Variants in CNTNAP2 observed in about 807,000 individuals in gnomAD.
CNTNAP2 encodes contactin-associated protein-like 2.
A neutral mutation model predicts 155.2 loss-of-function variants in CNTNAP2; 98 were observed. The observed-to-expected ratio is 0.63, with a 90% CI of 0.54 to 0.75. CNTNAP2 has a LOEUF of 0.75. CNTNAP2 is among the 30% of genes least tolerant of loss of function. The probability of loss-of-function intolerance (pLI) is 0.00; values close to 1 mark genes in which losing one functional copy is unlikely to be tolerated. For synonymous variants in CNTNAP2, 651 were observed against 631.2 expected (o/e 1.03, Z -0.47); for missense variants, 1,727 against 1,688.1 (o/e 1.02, Z -0.40).
At chr7:148,402,098 TAAACAATCATAACATATAGCCGATG>T (rs1799597588) in intron 22 of CNTNAP2, among the ~76,000 whole-genome samples, 2 of 152,220 alleles carry the variant, frequency 1.3e-5, no homozygotes, top group Admixed American at 6.5e-5. Flanking sequence ...AAAGTTGGTT[TAAACAATCATAACATATAGCCGATG>T]ACGACAAATT....
At chr7:146,384,651 T>C (rs1795435393) in intron 1 of CNTNAP2, among the ~76,000 whole-genome samples, 1 of 152,142 alleles carries the variant, frequency 6.6e-6, no homozygotes, top group South Asian at 2.1e-4. Flanking sequence ...TACTTTGTAA[T>C]TGATCAGTTT....
intron 1 of CNTNAP2, among the ~76,000 whole-genome samples, chr7:146,765,600 G>T (rs754436975): frequency 1.3e-5 from 2 of 152,112 alleles, no homozygotes; most frequent in Non-Finnish European, 2.9e-5. Context: ...GACACATCAG[G>T]CACCTGCCTT....
rs190068679 is a variant in CNTNAP2, at chr7:146,305,475, G to A, written c.97+188502G>A. On this transcript the variant is annotated intron_variant, in intron 1 of 23. Transcript: ENST00000361727. Reference sequence around the variant, plus strand: ...GGGTTTTGGTGTGGATGTCCTTTCTGTTTCTTAGCTTTCCTTCTAACATTC... The same window carrying A: ...GGGTTTTGGTGTGGATGTCCTTTCTATTTCTTAGCTTTCCTTCTAACATTC... Among the ~76,000 whole-genome samples, 7 of 152,160 alleles carry A rather than the reference G, an allele frequency of 4.6e-5. No individual in the cohort carries two copies. In the East Asian group the frequency reaches 1.4e-3, roughly 29 times the overall value.
At chr7:148,050,721 C>A (rs1437488922) in intron 15 of CNTNAP2, among the ~76,000 whole-genome samples, 2 of 152,212 alleles carry the variant, frequency 1.3e-5, no homozygotes, top group African/African-American at 4.8e-5. Context: ...TCCAGTCCTG[C>A]AAGCTCCATT....
chr7:147,629,406 AAATAATAATAAT>A (rs56977512), intron 12 of CNTNAP2, among the ~76,000 whole-genome samples: 1,476 of 140,942 alleles, frequency 0.01, 8 homozygotes, highest in East Asian at 0.015. Flanking sequence ...TCTGTCTCAA[AAATAATAATAAT>A]AATAATAATA....
chr7:146,664,130 T>A (rs887660154), intron 1 of CNTNAP2, among the ~76,000 whole-genome samples: 3 of 151,812 alleles, frequency 2.0e-5, no homozygotes, highest in Non-Finnish European at 4.4e-5. Context: ...ATACTTTCTC[T>A]TCTTAGTTTG....
intron 21 of CNTNAP2, among the ~76,000 whole-genome samples, chr7:148,293,943 G>A (rs1413788359): frequency 6.8e-6 from 1 of 147,940 alleles, no homozygotes; most frequent in Non-Finnish European, 1.5e-5. Context: ...GCTGAGGCAG[G>A]AGAACCGCTT....
chr7:148,182,311 A>T (rs1292459941), intron 18 of CNTNAP2, among the ~76,000 whole-genome samples: 3 of 143,776 alleles, frequency 2.1e-5, no homozygotes, highest in Non-Finnish European at 4.7e-5. Context: ...GGTCTGATAA[A>T]TTGTCCTGAG....
chr7:147,375,279 T>C (rs1796415531), intron 9 of CNTNAP2, among the ~76,000 whole-genome samples: 2 of 148,172 alleles, frequency 1.3e-5, no homozygotes, highest in African/African-American at 4.9e-5. Flanking sequence ...ACTATTATTT[T>C]CTCTATTTAA....
chr7:146,652,697 A>G (rs561506948), intron 1 of CNTNAP2, among the ~76,000 whole-genome samples: 2 of 152,314 alleles, frequency 1.3e-5, no homozygotes, highest in Admixed American at 6.5e-5. Flanking sequence ...AGTAGTAGAA[A>G]TGGGAATTTG....
intron 3 of CNTNAP2, among the ~76,000 whole-genome samples, chr7:146,957,117 C>T (rs904692380): frequency 6.6e-6 from 1 of 152,010 alleles, no homozygotes; most frequent in Non-Finnish European, 1.5e-5. Flanking sequence ...CTTAAACAGA[C>T]CTAGATGGTA....
chr7:146,893,023 A>G (rs1335401666), intron 3 of CNTNAP2, among the ~76,000 whole-genome samples: 1 of 152,176 alleles, frequency 6.6e-6, no homozygotes, highest in East Asian at 1.9e-4. Context: ...AATTGGTAGG[A>G]AAAAATATAT....
intron 10 of CNTNAP2, among the ~76,000 whole-genome samples, chr7:147,413,211 A>G (rs1797133227): frequency 1.3e-5 from 2 of 152,252 alleles, no homozygotes; most frequent in Admixed American, 1.3e-4. Flanking sequence ...ATTGAGTAAG[A>G]AAACAGCTGG....
At chr7:147,615,412 C>T (rs1004468912) in intron 12 of CNTNAP2, among the ~76,000 whole-genome samples, 17 of 147,416 alleles carry the variant, frequency 1.2e-4, no homozygotes, top group Non-Finnish European at 4.4e-5. Flanking sequence ...CCAGCCTAGG[C>T]AACATAGTGA....
At chr7:147,446,141 T>TA (rs1375348303) in intron 10 of CNTNAP2, among the ~76,000 whole-genome samples, 4 of 134,174 alleles carry the variant, frequency 3.0e-5, no homozygotes, top group Non-Finnish European at 6.6e-5. Flanking sequence ...TTTTTTTTTT[T>TA]AACCTGTGAG....
chr7:147,754,704 A>G (rs1400729826), intron 13 of CNTNAP2, among the ~76,000 whole-genome samples: 6 of 152,186 alleles, frequency 3.9e-5, no homozygotes, highest in Admixed American at 2.0e-4. Context: ...TAAGAAAAAA[A>G]ATTTTAATTC....
At chr7:148,354,576 A>G (rs1018001940) in intron 21 of CNTNAP2, among the ~76,000 whole-genome samples, 5 of 152,062 alleles carry the variant, frequency 3.3e-5, no homozygotes, top group Non-Finnish European at 7.4e-5. Flanking sequence ...GCTCAAAAGA[A>G]GAGGGGTCTT....
chr7:146,472,720 T>A lies in CNTNAP2; in HGVS notation c.98-301551T>A, dbSNP rs1015103598. ...GTATTAAAATACGTTTTACACAAGA[T>A]TTGAATATATTTTCCTTTCTTAGCC... On this transcript the variant is annotated intron_variant, in intron 1 of 23. Transcript: ENST00000361727. 5.3e-5 allele frequency among the ~76,000 whole-genome samples: 8 copies of A among 152,168 alleles called. No homozygotes were observed. The East Asian group carries it at 1.5e-3, about 29-fold the overall frequency.
In CNTNAP2 at chr7:148,418,865, G is replaced by A. The variant is rs994512371; in HGVS notation, c.*3249G>A. Reference sequence around the variant, plus strand: ...CAAGCATCCTTTACTAACAAGAGCAGGAATTCAGAGGCACAAGAAAAAGCA... The same window carrying A: ...CAAGCATCCTTTACTAACAAGAGCAAGAATTCAGAGGCACAAGAAAAAGCA... On this transcript the variant is annotated 3_prime_UTR_variant, in exon 24 of 24. Transcript: ENST00000361727. The A allele has an allele frequency of 6.6e-6, 1 of 152,230 alleles. No homozygotes were observed. The highest frequency in any genetic ancestry group is 1.5e-5 in the Non-Finnish European group (1 of 68,040). 9.4% of individuals were successfully genotyped at this position (152,230 alleles called of 1,614,324 possible).
Sources: gnomAD v4.1 joint callset for allele counts (sites outside exome capture counted in the v4.1 genomes callset) on GRCh38, gnomAD v4.1.1 for gene constraint, MANE v1.5 for transcripts, NCBI Gene and HGNC (gene_info 2026-07-23, HGNC 2026-07-21) for gene names.